Variants in SNX29 observed in about 807,000 individuals in gnomAD.
SNX29 encodes the protein sorting nexin 29.
Under a neutral mutation model 102.1 loss-of-function variants are expected in SNX29, and 78 were observed. The observed-to-expected ratio is 0.76, with a 90% confidence interval of 0.64 to 0.92. SNX29 has a LOEUF of 0.92. Ranked by LOEUF, SNX29 falls within the 40% of genes least tolerant of loss-of-function variation. The pLI, the probability that SNX29 is intolerant of heterozygous loss-of-function variation, is 0.00. For missense variants in SNX29, 1,280 were observed against 1,061.7 expected, an observed-to-expected ratio of 1.21 and a Z score of -2.86; for synonymous variants, 580 against 414.5, an observed-to-expected ratio of 1.40 and a Z score of -4.85.
chr16:12,413,579 GCCC>G (rs56294629), intron 18 of SNX29, among the ~76,000 whole-genome samples: 70,140 of 151,540 alleles, frequency 0.46, 17,883 homozygotes, highest in Non-Finnish European at 0.58. Context: ...AAGTGACAGG[GCCC>G]TCGAGACAAT....
chr16:12,067,334 G>A (rs1300708325), intron 9 of SNX29, among the ~76,000 whole-genome samples: 1 of 152,036 alleles, frequency 6.6e-6, no homozygotes, highest in East Asian at 1.9e-4. Flanking sequence ...CAGAGCTGGG[G>A]GTTCTTGGGG....
chr16:12,394,067 C>T (rs2083633035), intron 16 of SNX29, among the ~76,000 whole-genome samples: 1 of 152,220 alleles, frequency 6.6e-6, no homozygotes, highest in Admixed American at 6.5e-5. Context: ...GGACCTGGGA[C>T]TTCCTAGGGG....
intron 13 of SNX29, among the ~76,000 whole-genome samples, chr16:12,132,893 A>T (rs1223445106): frequency 6.6e-6 from 1 of 152,246 alleles, no homozygotes; most frequent in African/African-American, 2.4e-5. Context: ...TCCATTGCTG[A>T]CATGTTCCAG....
intron 20 of SNX29, among the ~76,000 whole-genome samples, chr16:12,563,375 A>T (rs776078736): frequency 3.3e-5 from 5 of 152,162 alleles, no homozygotes; most frequent in Non-Finnish European, 5.9e-5. Flanking sequence ...CGCCACGTTG[A>T]TATTTTACCC....
intron 18 of SNX29, among the ~76,000 whole-genome samples, chr16:12,441,721 C>A (rs946705208): frequency 1.3e-5 from 2 of 152,132 alleles, no homozygotes; most frequent in African/African-American, 4.8e-5. Context: ...ACAGATTTAG[C>A]CCTGTGTTTT....
At chr16:12,222,603 C>A (rs1440571420) in intron 14 of SNX29, among the ~76,000 whole-genome samples, 2 of 152,078 alleles carry the variant, frequency 1.3e-5, no homozygotes, top group African/African-American at 4.8e-5. Flanking sequence ...GAGTCTCTCT[C>A]TGTCACCCAG....
chr16:12,543,672 A>G (rs950254057), intron 20 of SNX29, among the ~76,000 whole-genome samples: 1 of 152,260 alleles, frequency 6.6e-6, no homozygotes, highest in African/African-American at 2.4e-5. Flanking sequence ...TCCAGCCTGC[A>G]TTCAACAAGC....
chr16:12,235,047 T>C (rs1045831007), intron 14 of SNX29, among the ~76,000 whole-genome samples: 6 of 152,208 alleles, frequency 3.9e-5, no homozygotes, highest in African/African-American at 1.4e-4. Context: ...GCTTTGTCTC[T>C]TTCTCTTGGA....
intron 20 of SNX29, among the ~76,000 whole-genome samples, chr16:12,549,534 T>C (rs956104621): frequency 4.6e-5 from 7 of 152,184 alleles, no homozygotes; most frequent in Non-Finnish European, 1.0e-4. Context: ...CTATCTCAAA[T>C]AGCCAGTAAG....
At chr16:12,555,533 T>C (rs113410934) in intron 20 of SNX29, among the ~76,000 whole-genome samples, 2 of 151,386 alleles carry the variant, frequency 1.3e-5, no homozygotes, top group African/African-American at 4.9e-5. Context: ...CCCTGCTCTC[T>C]GGGAGGTCAT....
intron 13 of SNX29, among the ~76,000 whole-genome samples, chr16:12,152,633 A>G (rs2055347577): frequency 6.6e-6 from 1 of 152,240 alleles, no homozygotes; most frequent in Admixed American, 6.5e-5. Flanking sequence ...ATTTTCCTGC[A>G]GAAAAAGACT....
chr16:12,122,660 A>G (rs866185436), intron 11 of SNX29, among the ~76,000 whole-genome samples: 30 of 152,162 alleles, frequency 2.0e-4, no homozygotes, highest in Non-Finnish European at 3.1e-4. Flanking sequence ...AGCGGCAGAG[A>G]GGACATGGGT....
Position 12,571,413 on chromosome 16 carries a change from GTCT to G in SNX29, c.*2791_*2793del, listed in dbSNP as rs200316654. The stretch of plus-strand genomic sequence containing the variant: ...AAAGGATTGCTTGCACCTCACATCT[GTCT>G]TCTTCTAAGATTACTCGGAGATTTT... On this transcript the variant is annotated 3_prime_UTR_variant, in exon 21 of 21. Coordinates refer to ENST00000566228, the MANE Select transcript of SNX29 (RefSeq NM_032167.5). The G allele has an allele frequency of 2.5e-3, 575 of 232,874 alleles. 7 individuals carry two copies. Among genetic ancestry groups the G allele is most frequent in the East Asian group, 0.013 (206 of 16,318 alleles). 14.4% of individuals were successfully genotyped at this position (232,874 alleles called of 1,614,324 possible).
At chr16:12,136,186 C>G (rs189618064) in intron 13 of SNX29, among the ~76,000 whole-genome samples, 391 of 152,346 alleles carry the variant, frequency 2.6e-3, no homozygotes, top group Non-Finnish European at 4.1e-3. Flanking sequence ...TCTCTTCATG[C>G]TTCTGAGCCT....
Position 12,079,503 on chromosome 16 carries a change from T to C in SNX29, c.1402+588T>C, listed in dbSNP as rs556884170. Among the ~76,000 whole-genome samples, 4 of 145,516 alleles carry C rather than the reference T, an allele frequency of 2.7e-5. No homozygotes were observed. The East Asian group carries it at 8.2e-4, about 30-fold the overall frequency. ...CTCCCCTGGAGGCAGAGGGGGCACT[T>C]GTTCCCAATTAAAAAAAAAAATTAG... On this transcript the variant is annotated intron_variant, in intron 11 of 20. Coordinates refer to ENST00000566228, the MANE Select transcript of SNX29 (RefSeq NM_032167.5).
At chr16:12,076,436 G>A (rs1461560695) in intron 10 of SNX29, among the ~76,000 whole-genome samples, 1 of 152,074 alleles carries the variant, frequency 6.6e-6, no homozygotes, top group Non-Finnish European at 1.5e-5. Flanking sequence ...AAGTACCTGG[G>A]ATTACACATG....
intron 13 of SNX29, among the ~76,000 whole-genome samples, chr16:12,132,520 C>G (rs559430337): frequency 3.2e-4 from 49 of 152,332 alleles, no homozygotes; most frequent in African/African-American, 1.0e-3. Flanking sequence ...GCTTCCTCAT[C>G]TCAGGGATGG....
At chr16:12,524,534 T>TTTTTTTTTTTTTTGAGACGGAGTC in intron 19 of SNX29, among the ~76,000 whole-genome samples, 168 bp from the exon 20 acceptor site, 1 of 150,508 alleles carries the variant, frequency 6.6e-6, no homozygotes, top group African/African-American at 2.5e-5. Flanking sequence ...TTTCTTGTTA[T>TTTTTTTTTTTTTTGAGACGGAGTC]TACATGTGAT....
At chr16:12,334,181 A>G (rs2081376282) in intron 15 of SNX29, among the ~76,000 whole-genome samples, 1 of 152,144 alleles carries the variant, frequency 6.6e-6, no homozygotes, top group African/African-American at 2.4e-5. Flanking sequence ...AAAATGACAA[A>G]TGTTGGTTTA....
Sources: gnomAD v4.1 joint callset for allele counts (sites outside exome capture counted in the v4.1 genomes callset) on GRCh38, gnomAD v4.1.1 for gene constraint, MANE v1.5 for transcripts, NCBI Gene and HGNC (gene_info 2026-07-23, HGNC 2026-07-21) for gene names.